RUNDC3B: variants seen among roughly 807,000 people sequenced by gnomAD.
RUNDC3B encodes RUN domain containing 3B, also known as RUN domain-containing protein 3B.
Under a neutral mutation model 58.4 loss-of-function variants are expected in RUNDC3B, and 33 were observed. That is an observed-to-expected ratio of 0.56 (90% confidence interval 0.43 to 0.75). RUNDC3B has a LOEUF of 0.75. Ranked by LOEUF, RUNDC3B falls within the 30% of genes least tolerant of loss-of-function variation. RUNDC3B has a pLI of 0.00. For synonymous variants in RUNDC3B, 193 were observed against 195.2 expected, an observed-to-expected ratio of 0.99 and a Z score of 0.10; for missense variants, 501 against 535.7, an observed-to-expected ratio of 0.94 and a Z score of 0.64.
At position 87,628,843 on chromosome 7, in the gene RUNDC3B, G is replaced by A. The variant is rs553655751; in HGVS notation, c.20G>A (p.Gly7Glu). MASRSL[G>E]GLSGIRGGGG... ...CCCGCCATGGCCTCCCGGAGCCTGG[G>A]GGGCCTGAGCGGGATCCGCGGCGGT... Residue 7 changes from glycine (G) to glutamate (E), a missense_variant, in exon 1 of 11, where the codon GGG becomes GAG. By Grantham distance (98) the Gly-to-Glu change is moderately conservative. Transcript: ENST00000394654. The A allele has an allele frequency of 3.6e-5, 45 of 1,265,822 alleles. No homozygotes were observed. In the African/African-American group the frequency reaches 6.9e-4, roughly 19 times the overall value. The allele number at this position is 1,265,822 out of a possible 1,614,324, so 78.4% of individuals were successfully genotyped here. A position where few individuals can be genotyped will look rare whatever the true frequency, so the allele number is the denominator to read the frequency against.
chr7:87,686,149 A>C (rs1422088108), intron 2 of RUNDC3B, among the ~76,000 whole-genome samples: 1 of 152,100 alleles, frequency 6.6e-6, no homozygotes, highest in East Asian at 1.9e-4. Context: ...CCCTCCACCC[A>C]CAATTTTTTT....
At chr7:87,713,433 T>C (rs1052379781) in intron 4 of RUNDC3B, 82 of 152,244 alleles carry the variant, frequency 5.4e-4, no homozygotes, top group African/African-American at 1.9e-3. Context: ...GGAGTAGAGA[T>C]AAAATAAATT....
intron 6 of RUNDC3B, among the ~76,000 whole-genome samples, chr7:87,754,171 A>G (rs527239421): frequency 6.6e-6 from 1 of 152,336 alleles, no homozygotes; most frequent in African/African-American, 2.4e-5. Flanking sequence ...ATACTCTGAA[A>G]CTGACCACAT....
intron 2 of RUNDC3B, among the ~76,000 whole-genome samples, chr7:87,692,219 G>C (rs1585116601): frequency 6.6e-6 from 1 of 152,016 alleles, no homozygotes; most frequent in Admixed American, 6.6e-5. Context: ...GGGAGACCAC[G>C]GCAGGATAAT....
chr7:87,687,541 C>G (rs1040087095), intron 2 of RUNDC3B, among the ~76,000 whole-genome samples: 18 of 152,006 alleles, frequency 1.2e-4, no homozygotes, highest in African/African-American at 3.9e-4. Context: ...TAAGCTTTAC[C>G]AGGACTAAGA....
intron 2 of RUNDC3B, among the ~76,000 whole-genome samples, chr7:87,685,073 CA>C (rs552057859): frequency 6.6e-6 from 1 of 151,612 alleles, no homozygotes; most frequent in East Asian, 1.9e-4. Flanking sequence ...ATCCATTAAA[CA>C]AAAAAAATTG....
intron 2 of RUNDC3B, among the ~76,000 whole-genome samples, chr7:87,657,945 C>T (rs997299012): frequency 6.6e-6 from 1 of 152,088 alleles, no homozygotes; most frequent in Non-Finnish European, 1.5e-5. Context: ...CTAGTTAAAA[C>T]AGAAGGTTTA....
chr7:87,693,848 A>T, intron 2 of RUNDC3B: 2 of 1,558,850 alleles, frequency 1.3e-6, no homozygotes, highest in Non-Finnish European at 1.7e-6. Context: ...TTGGAACTGT[A>T]AACATGATGG....
intron 2 of RUNDC3B, among the ~76,000 whole-genome samples, chr7:87,693,180 G>C (rs558294791): frequency 6.6e-5 from 10 of 152,208 alleles, no homozygotes; most frequent in African/African-American, 2.2e-4. Flanking sequence ...AGCAATTTCT[G>C]AAAAATATAG....
At chr7:87,661,131 T>G (rs1824665487) in intron 2 of RUNDC3B, among the ~76,000 whole-genome samples, 1 of 152,084 alleles carries the variant, frequency 6.6e-6, no homozygotes, top group Admixed American at 6.6e-5. Flanking sequence ...ATTTTTAATT[T>G]TATGGGTACA....
intron 10 of RUNDC3B, 121 bp downstream of exon 10, chr7:87,816,383 C>A: frequency 1.4e-6 from 1 of 710,202 alleles, no homozygotes; most frequent in Non-Finnish European, 2.2e-6. Flanking sequence ...AATTAAGCAG[C>A]CATTATGATT....
intron 7 of RUNDC3B, among the ~76,000 whole-genome samples, chr7:87,771,661 G>A (rs1308462341): frequency 6.6e-6 from 1 of 152,140 alleles, no homozygotes; most frequent in Non-Finnish European, 1.5e-5. Context: ...ATATATTAGA[G>A]AACTGTAGGC....
chr7:87,766,133 G>A (rs916930038), intron 6 of RUNDC3B, among the ~76,000 whole-genome samples: 3 of 152,032 alleles, frequency 2.0e-5, no homozygotes, highest in Non-Finnish European at 4.4e-5. Context: ...TTGTTTTCCT[G>A]TTGCATGATA....
In RUNDC3B at chr7:87,730,269, A is replaced by G. The variant is rs148152921; in HGVS notation, c.459-9522A>G. Among the ~76,000 whole-genome samples, 4 of 151,824 alleles carry G rather than the reference A, an allele frequency of 2.6e-5. No homozygotes were observed. The East Asian group carries it at 5.9e-4, about 22-fold the overall frequency. On this transcript the variant is annotated intron_variant, in intron 4 of 10. Transcript: ENST00000394654. ...TCAGCCACAGTGATGTAGAGAAACA[A>G]GTAGGTTCATGGGGTCCCCAGTTCT...
chr7:87,661,998 G>A (rs1824759399), intron 2 of RUNDC3B, among the ~76,000 whole-genome samples: 1 of 152,056 alleles, frequency 6.6e-6, no homozygotes, highest in South Asian at 2.1e-4. Flanking sequence ...TTTATCTGAT[G>A]ATCAATGATG....
At chr7:87,717,630 T>C (rs937537156) in intron 4 of RUNDC3B, among the ~76,000 whole-genome samples, 12 of 152,048 alleles carry the variant, frequency 7.9e-5, no homozygotes, top group Non-Finnish European at 1.2e-4. Context: ...AAATAGGCCC[T>C]ACTATATGTA....
At chr7:87,677,990 T>A (rs909529231) in intron 2 of RUNDC3B, among the ~76,000 whole-genome samples, 5 of 152,048 alleles carry the variant, frequency 3.3e-5, no homozygotes, top group African/African-American at 9.7e-5. Flanking sequence ...AATTCCCAGA[T>A]AAAGGAAAAC....
intron 3 of RUNDC3B, among the ~76,000 whole-genome samples, chr7:87,702,482 G>A (rs945066302): frequency 1.3e-5 from 2 of 151,992 alleles, no homozygotes; most frequent in African/African-American, 2.4e-5. Context: ...ATCTCTCTTT[G>A]TTGCCCAGGC....
chr7:87,640,905 A>G (rs1035794011), intron 1 of RUNDC3B, among the ~76,000 whole-genome samples: 1 of 152,198 alleles, frequency 6.6e-6, no homozygotes, highest in African/African-American at 2.4e-5. Flanking sequence ...CTCTGATTTT[A>G]AAAACCTGTC....
Sources: allele counts gnomAD v4.1 joint callset (sites outside exome capture counted in the v4.1 genomes callset), GRCh38; gene constraint gnomAD v4.1.1; transcripts MANE v1.5; gene names NCBI Gene and HGNC (gene_info 2026-07-23, HGNC 2026-07-21).